Variants in PACS2 observed in about 807,000 individuals in gnomAD.
PACS2 encodes the protein phosphofurin acidic cluster sorting protein 2.
A neutral mutation model predicts 113.0 loss-of-function variants in PACS2; 36 were observed. That is an observed-to-expected ratio of 0.32 (90% confidence interval 0.24 to 0.42). The LOEUF is 0.42. PACS2 is among the 10% of genes least tolerant of loss of function. The pLI is 1.00. For synonymous variants in PACS2, 589 were observed against 536.1 expected (o/e 1.10, Z -1.36); for missense variants, 1,015 against 1,239.5 (o/e 0.82, Z 2.72).
At chr14:105,326,287 G>A (rs2059103155) in intron 1 of PACS2, among the ~76,000 whole-genome samples, 1 of 152,216 alleles carries the variant, frequency 6.6e-6, no homozygotes, top group African/African-American at 2.4e-5. Flanking sequence ...TGGGGCGGGG[G>A]CTCCGCAGCA....
rs1350610221 is a variant in PACS2, at chr14:105,380,027, C to T, written c.1051-53C>T. The T allele has an allele frequency of 2.8e-5, 42 of 1,496,676 alleles. No homozygotes were observed. In the South Asian group the frequency reaches 3.5e-4, roughly 12 times the overall value. The allele number at this position is 1,496,676 out of a possible 1,614,324, so 92.7% of individuals were successfully genotyped here. On this transcript the variant is annotated intron_variant, in intron 10 of 24. Transcript: ENST00000447393. ...CCAGCATTCCCAGTCCAGAAGTCAG[C>T]GCCTTGGCACCTGCAGTTGAGCACA...
At chr14:105,382,698 C>T in intron 14 of PACS2, 109 bp from the exon 15 acceptor site, 2 of 939,888 alleles carry the variant, frequency 2.1e-6, no homozygotes, top group South Asian at 1.4e-5. Context: ...TGTGGTTTGC[C>T]TGGACGTGCC....
In PACS2 at chr14:105,367,274, C is replaced by T; in HGVS notation, c.485C>T (p.Ala162Val). The T allele has an allele frequency of 6.2e-7, 1 of 1,613,168 alleles. No individual in the cohort carries two copies. The highest frequency in any genetic ancestry group is 8.5e-7 in the Non-Finnish European group (1 of 1,179,918). The part of the protein sequence containing the change: ...VLSLCSSIKE[A>V]PVKAAEIWIA... ...AGCCTCTGCAGCAGCATCAAGGAGG[C>T]CCCCGTCAAGGCGGCCGAGATCTGG... is the stretch of plus-strand genomic sequence containing the variant. Residue 162 changes from alanine (A) to valine (V), a missense_variant, in exon 5 of 25, where the codon GCC (alanine) becomes GTC (valine). By Grantham distance (64) the Ala-to-Val change is moderately conservative (BLOSUM62 0). Coordinates refer to ENST00000447393, the MANE Select transcript of PACS2 (RefSeq NM_001100913.3).
chr14:105,365,805 G>A lies in PACS2; in HGVS notation c.424-1408G>A, dbSNP rs1555407825. 2.0e-5 allele frequency among the ~76,000 whole-genome samples: 3 copies of A among 152,176 alleles called. No individual in the cohort carries two copies. Among genetic ancestry groups the A allele is most frequent in the Non-Finnish European group, 4.4e-5 (3 of 68,028 alleles). ...ACACTGAGACCCTGCCACATCAGAT[G>A]CCACTCTGAGAAGGCGACTCAGGGT... On this transcript the variant is annotated intron_variant, in intron 4 of 24. Transcript: ENST00000447393. This position sits in a 1 kb window ranked among gnomAD's most constrained non-coding sequence, Gnocchi z 5.1.
At chr14:105,327,821 GC>G (rs1252818429) in intron 1 of PACS2, among the ~76,000 whole-genome samples, 1 of 150,686 alleles carries the variant, frequency 6.6e-6, no homozygotes, top group African/African-American at 2.4e-5. Context: ...CACCCGAGGG[GC>G]CATTGACAAC....
Position 105,329,100 on chromosome 14 carries a change from C to G in PACS2, c.119+14063C>G, listed in dbSNP as rs1241773724. Among the ~76,000 whole-genome samples, 1 of 152,168 alleles carries G rather than the reference C, an allele frequency of 6.6e-6. No individual in the cohort carries two copies. Among genetic ancestry groups the G allele is most frequent in the African/African-American group, 2.4e-5 (1 of 41,432 alleles). On this transcript the variant is annotated intron_variant, in intron 1 of 24. Coordinates refer to ENST00000447393, the MANE Select transcript of PACS2 (RefSeq NM_001100913.3). The surrounding 1 kb of genome is among the most constrained non-coding windows in gnomAD (Gnocchi z 6.4). ...GAGGGAGGACTCCCTGGAGGCTGGCCCTGCGCCCTGGAGGCCAGCATGGCC... is the reference window on the plus strand; with the variant it reads ...GAGGGAGGACTCCCTGGAGGCTGGCGCTGCGCCCTGGAGGCCAGCATGGCC...
intron 1 of PACS2, among the ~76,000 whole-genome samples, chr14:105,321,651 C>G (rs1424202365): frequency 6.6e-6 from 1 of 151,880 alleles, no homozygotes; most frequent in Non-Finnish European, 1.5e-5. Context: ...GCATGAACCA[C>G]TAACGCCCCG....
chr14:105,367,978 C>T, intron 5 of PACS2, 96 bp from the exon 6 acceptor site: 1 of 800,672 alleles, frequency 1.2e-6, no homozygotes, highest in South Asian at 1.4e-5. Context: ...TCCTCGCTGC[C>T]CCCACTCTGT....
rs2060557448 is a variant in PACS2, at chr14:105,358,822, G to A, written c.423+3645G>A. 6.6e-6 allele frequency among the ~76,000 whole-genome samples: 1 copy of A among 152,186 alleles called. No individual in the cohort carries two copies. The highest frequency in any genetic ancestry group is 2.4e-5 in the African/African-American group (1 of 41,438). On this transcript the variant is annotated intron_variant, in intron 4 of 24. Transcript: ENST00000447393. The surrounding 1 kb of genome is among the most constrained non-coding windows in gnomAD (Gnocchi z 4.9). ...AGGAAGACCTCAGGGTAAGGACAGC[G>A]CGGGAGCGTCACCCTGACCGTTTGC...
Position 105,376,748 on chromosome 14 carries a change from C to G in PACS2, c.802-20C>G. Reference sequence around the variant, plus strand: ...TGTGGGCTGCTGCAGGGAACTCACGCGTGCCTGGCACCCGTGCAGGTCCTG... The same window carrying G: ...TGTGGGCTGCTGCAGGGAACTCACGGGTGCCTGGCACCCGTGCAGGTCCTG... On this transcript the variant is annotated intron_variant, in intron 8 of 24. Transcript: ENST00000447393. The surrounding 1 kb of genome is among the most constrained non-coding windows in gnomAD (Gnocchi z 4.7). The G allele has an allele frequency of 6.2e-7, 1 of 1,609,568 alleles. No homozygotes were observed. Among genetic ancestry groups the G allele is most frequent in the South Asian group, 1.1e-5 (1 of 90,944 alleles).
At chr14:105,394,228 G>C (rs1330896401) in intron 24 of PACS2, 3 of 985,284 alleles carry the variant, frequency 3.0e-6, no homozygotes, top group South Asian at 4.7e-5. Context: ...ACCTGTGCAG[G>C]TGGAAGTGGA....
Position 105,358,531 on chromosome 14 carries a change from G to A in PACS2, c.423+3354G>A, listed in dbSNP as rs1470415270. ...CGTTCGTGTGGCCAGACCACCCTGG[G>A]GCTGCAGCCTGGGAGACGCAGGCAT... On this transcript the variant is annotated intron_variant, in intron 4 of 24. Transcript: ENST00000447393. The surrounding 1 kb of genome is among the most constrained non-coding windows in gnomAD (Gnocchi z 4.9). 2.6e-5 allele frequency among the ~76,000 whole-genome samples: 4 copies of A among 152,212 alleles called. No homozygotes were observed. Among genetic ancestry groups the A allele is most frequent in the Non-Finnish European group, 5.9e-5 (4 of 68,036 alleles).
At chr14:105,379,632 G>A (rs368838498) in intron 9 of PACS2, 107 bp from the exon 10 acceptor site, 18 of 889,418 alleles carry the variant, frequency 2.0e-5, no homozygotes, top group Middle Eastern at 4.4e-4. Context: ...CTGCTCTGCC[G>A]TTGGATTCTG....
chr14:105,327,253 T>C (rs1490440443), intron 1 of PACS2, among the ~76,000 whole-genome samples: 1 of 152,068 alleles, frequency 6.6e-6, no homozygotes, highest in Non-Finnish European at 1.5e-5. Flanking sequence ...GGGCAGGCCT[T>C]GGGGAGGGGT....
chr14:105,346,410 C>A (rs1461001619), intron 1 of PACS2, among the ~76,000 whole-genome samples: 2 of 151,842 alleles, frequency 1.3e-5, no homozygotes, highest in African/African-American at 4.8e-5. Flanking sequence ...AGGCACTGCT[C>A]GCGTCTGCAG....
intron 4 of PACS2, among the ~76,000 whole-genome samples, chr14:105,361,364 C>T (rs782303540): frequency 3.3e-5 from 5 of 152,278 alleles, no homozygotes; most frequent in Middle Eastern, 3.4e-3. Flanking sequence ...AGGCTGGGCA[C>T]GGTGGCTCAC....
At position 105,381,973 on chromosome 14, in the gene PACS2, C is replaced by G; in HGVS notation, c.1328C>G (p.Ala443Gly). ...AGCACATCCTTGAAGGAGCGGCAGG[C>G]AGCACGGCCCCAGAATGAGCGGGCC... ...GRSTSLKERQ[A>G]ARPQNERANS... Residue 443 changes from alanine to glycine, a missense_variant, in exon 13 of 25, where the codon GCA becomes GGA. By Grantham distance (60) the Ala-to-Gly change is moderately conservative (BLOSUM62 0). This residue lies in a region of PACS2 where 859 missense variants were observed against 1,056.8 expected (regional missense o/e 0.81). Coordinates refer to ENST00000447393, the MANE Select transcript of PACS2 (RefSeq NM_001100913.3). The G allele has an allele frequency of 1.9e-6, 3 of 1,550,270 alleles. No homozygotes were observed. The highest frequency in any genetic ancestry group is 2.6e-6 in the Non-Finnish European group (3 of 1,147,066).
rs782125869 is a variant in PACS2 at position 105,348,099 on chromosome 14, A to G, written c.120-394A>G. Among the ~76,000 whole-genome samples the G allele has an allele frequency of 3.9e-5, 6 of 152,112 alleles. No homozygotes were observed. Among genetic ancestry groups the G allele is most frequent in the Non-Finnish European group, 7.4e-5 (5 of 68,004 alleles). ...GGGGCGGCTGGGCCTGGGGCTGGAT[A>G]GGGCCGCGGGAGAGGGGAGGCCTGT... On this transcript the variant is annotated intron_variant, in intron 1 of 24. Transcript: ENST00000447393. The surrounding 1 kb of genome is among the most constrained non-coding windows in gnomAD (Gnocchi z 6.4).
rs1187836224 is a variant in PACS2 at position 105,309,153 on chromosome 14, T to G, written c.-83+8174T>G. ...TAGGGCCTGGGTGTTTTCCTTTCTT[T>G]TCTAATATTTAAGTTATGTCCTGGC... On this transcript the variant is annotated intron_variant, in intron 1 of 23. Transcript: ENST00000430725. The surrounding 1 kb of genome is among the most constrained non-coding windows in gnomAD (Gnocchi z 4.0). 6.6e-6 allele frequency among the ~76,000 whole-genome samples: 1 copy of G among 152,176 alleles called. No individual in the cohort carries two copies. The highest frequency in any genetic ancestry group is 1.9e-4 in the East Asian group (1 of 5,188).
Sources: gnomAD v4.1 joint callset for allele counts (sites outside exome capture counted in the v4.1 genomes callset) on GRCh38, gnomAD v4.1.1 for gene constraint, gnomAD v4.1.1 regional missense constraint, Gnocchi (gnomAD v3.1) non-coding constraint, MANE v1.5 for transcripts, NCBI Gene and HGNC (gene_info 2026-07-23, HGNC 2026-07-21) for gene names.